Variants in DAB1 observed in about 807,000 individuals in gnomAD.
The protein encoded by DAB1 is disabled homolog 1.
In DAB1, 15 loss-of-function variants were observed where a neutral mutation model predicts 64.6. That is an observed-to-expected ratio of 0.23 (90% CI 0.16 to 0.36). DAB1 has a LOEUF of 0.36. Ranked by LOEUF, DAB1 falls within the 10% of genes least tolerant of loss-of-function variation. The probability of loss-of-function intolerance (pLI) is 1.00; values close to 1 mark genes in which losing one functional copy is unlikely to be tolerated. For missense variants in DAB1, 596 were observed against 706.7 expected (o/e 0.84, Z 1.78); for synonymous variants, 235 against 251.9 (o/e 0.93, Z 0.64).
chr1:57,540,840 T>G (rs2101447682), intron 7 of DAB1, among the ~76,000 whole-genome samples: 1 of 152,106 alleles, frequency 6.6e-6, no homozygotes, highest in South Asian at 2.1e-4. Flanking sequence ...GTAGGGGGAA[T>G]GAAGAGAGGT....
At chr1:57,751,307 TGAG>T (rs1209700994) in intron 6 of DAB1, among the ~76,000 whole-genome samples, 1 of 151,656 alleles carries the variant, frequency 6.6e-6, no homozygotes, top group Non-Finnish European at 1.5e-5. Context: ...CAGAGATAGG[TGAG>T]GAGAAGGCAG....
chr1:57,600,317 C>A (rs1645562148), intron 7 of DAB1, among the ~76,000 whole-genome samples: 1 of 152,138 alleles, frequency 6.6e-6, no homozygotes, highest in Admixed American at 6.5e-5. Context: ...ATCAGAATAA[C>A]AATAACAGTC....
chr1:58,427,051 A>G (rs964100182), intron 3 of DAB1, among the ~76,000 whole-genome samples: 3 of 152,196 alleles, frequency 2.0e-5, no homozygotes, highest in Non-Finnish European at 4.4e-5. Context: ...ACGTGCCAGG[A>G]GCGGTCAAGA....
At chr1:57,205,582 A>T (rs1031139094) in intron 2 of DAB1, among the ~76,000 whole-genome samples, 1 of 152,248 alleles carries the variant, frequency 6.6e-6, no homozygotes, top group African/African-American at 2.4e-5. Context: ...TATGTGTCAG[A>T]GACTTTGTAG....
chr1:57,790,947 G>C (rs992220949), intron 6 of DAB1, among the ~76,000 whole-genome samples: 1 of 152,092 alleles, frequency 6.6e-6, no homozygotes, highest in Admixed American at 6.5e-5. Flanking sequence ...ATAGCTATTA[G>C]GACTAATAAA....
At chr1:58,516,363 A>G (rs1646158067) in intron 2 of DAB1, among the ~76,000 whole-genome samples, 1 of 152,212 alleles carries the variant, frequency 6.6e-6, no homozygotes, top group Non-Finnish European at 1.5e-5. Context: ...CAAAGTGTCA[A>G]AAGCTCTTTA....
intron 2 of DAB1, among the ~76,000 whole-genome samples, chr1:57,270,098 C>T (rs1292456228): frequency 3.9e-5 from 6 of 152,206 alleles, no homozygotes; most frequent in Non-Finnish European, 7.3e-5. Context: ...TCTGCCACAT[C>T]CCAGAGCTAC....
intron 5 of DAB1, among the ~76,000 whole-genome samples, chr1:58,037,475 G>C (rs986860881): frequency 3.3e-5 from 5 of 152,162 alleles, no homozygotes; most frequent in African/African-American, 1.2e-4. Flanking sequence ...TCTGCCTCCT[G>C]TTAGATCAGC....
intron 2 of DAB1, among the ~76,000 whole-genome samples, chr1:57,164,738 G>T (rs1661070951): frequency 6.6e-6 from 1 of 152,170 alleles, no homozygotes; most frequent in Non-Finnish European, 1.5e-5. Context: ...AGAAAGCACT[G>T]CTGGGGCTCT....
At chr1:57,207,536 C>T (rs921502812) in intron 2 of DAB1, among the ~76,000 whole-genome samples, 2 of 136,382 alleles carry the variant, frequency 1.5e-5, no homozygotes, top group South Asian at 2.4e-4. Flanking sequence ...CTCCGCCTCC[C>T]GGGTTCACGC....
intron 1 of DAB1, among the ~76,000 whole-genome samples, chr1:57,410,266 G>GA (rs1323498021): frequency 3.3e-5 from 5 of 151,792 alleles, no homozygotes; most frequent in African/African-American, 9.7e-5. Flanking sequence ...TGTAAAAAAA[G>GA]AAAAAAACAA....
chr1:57,883,144 T>C (rs1644171511), intron 1 of DAB1, among the ~76,000 whole-genome samples: 1 of 152,218 alleles, frequency 6.6e-6, no homozygotes, highest in Non-Finnish European at 1.5e-5. Flanking sequence ...GAGGTTTTCT[T>C]TGATATCCAG....
chr1:57,451,407 A>C lies in DAB1; in HGVS notation n.626-160241T>G, dbSNP rs774855590. Among the ~76,000 whole-genome samples the C allele has an allele frequency of 3.2e-4, 49 of 152,148 alleles. 1 individual carries two copies. Among genetic ancestry groups the C allele is most frequent in the Admixed American group, 2.0e-4 (3 of 15,264 alleles). On this transcript the variant is annotated intron_variant and non_coding_transcript_variant, in intron 7 of 20. Coordinates refer to the DAB1 transcript ENST00000485760. ...AGTGTCCGATTTCTGCATAGTGAGA[A>C]TCTTTTTTAGTGGGAGATACCTGGG...
chr1:58,014,352 G>A (rs192745710), intron 5 of DAB1, among the ~76,000 whole-genome samples: 227 of 152,324 alleles, frequency 1.5e-3, no homozygotes, highest in Admixed American at 2.9e-3. Flanking sequence ...CTTTGCATGA[G>A]ATTACACAGT....
chr1:57,149,572 C>T (rs1008270186), intron 2 of DAB1, among the ~76,000 whole-genome samples: 26 of 152,252 alleles, frequency 1.7e-4, no homozygotes, highest in Admixed American at 1.3e-4. Flanking sequence ...ACTTGCATTT[C>T]CCTAAGGAGT....
intron 2 of DAB1, among the ~76,000 whole-genome samples, chr1:57,198,672 C>CACAT (rs1237822857): frequency 4.0e-5 from 6 of 151,558 alleles, no homozygotes; most frequent in Non-Finnish European, 7.4e-5. Flanking sequence ...CACACACACA[C>CACAT]ACACACACAC....
chr1:57,342,929 A>G (rs1677729789), intron 1 of DAB1, among the ~76,000 whole-genome samples: 1 of 152,226 alleles, frequency 6.6e-6, no homozygotes, highest in South Asian at 2.1e-4. Flanking sequence ...AAGAGTGAGC[A>G]GCAGCAAGGT....
At chr1:57,484,420 T>C (rs1412991899) in intron 7 of DAB1, among the ~76,000 whole-genome samples, 1 of 152,202 alleles carries the variant, frequency 6.6e-6, no homozygotes, top group Non-Finnish European at 1.5e-5. Flanking sequence ...AGACCAGCTA[T>C]GAGCTGATGC....
intron 7 of DAB1, among the ~76,000 whole-genome samples, chr1:57,474,909 C>T (rs1440647640): frequency 6.6e-6 from 1 of 152,028 alleles, no homozygotes; most frequent in East Asian, 1.9e-4. Context: ...AGTATTGGGT[C>T]TAGGAGAAGA....
Sources: gnomAD v4.1 joint callset for allele counts (sites outside exome capture counted in the v4.1 genomes callset) on GRCh38, gnomAD v4.1.1 for gene constraint, MANE v1.5 for transcripts, NCBI Gene and HGNC (gene_info 2026-07-23, HGNC 2026-07-21) for gene names.